Variants in TMEM132B observed in about 807,000 individuals in gnomAD.
TMEM132B encodes the protein transmembrane protein 132B.
Under a neutral mutation model 90.8 loss-of-function variants are expected in TMEM132B, and 18 were observed. The ratio of observed to expected loss-of-function variants is 0.20; its 90% confidence interval spans 0.14 to 0.29. TMEM132B has a LOEUF of 0.29. TMEM132B is among the 10% of genes least tolerant of loss of function. TMEM132B has a pLI of 1.00. For missense variants in TMEM132B, 1,096 were observed against 1,326.8 expected (o/e 0.83, Z 2.70); for synonymous variants, 504 against 523.3 (o/e 0.96, Z 0.50).
intron 1 of TMEM132B, among the ~76,000 whole-genome samples, chr12:125,297,220 G>A (rs940441414): frequency 1.3e-5 from 2 of 152,186 alleles, no homozygotes; most frequent in African/African-American, 2.4e-5. Context: ...GGAGGAGGGA[G>A]CCTTTTTCCC....
chr12:125,432,528 T>TATATATATATAGAGAGAGAGAGAG lies in TMEM132B; in HGVS notation c.1106+16852_1106+16853insTATATATATAGAGAGAGAGAGAGA, dbSNP rs1458075923. Among the ~76,000 whole-genome samples the TATATATATATAGAGAGAGAGAGAG allele has an allele frequency of 5.1e-5, 2 of 39,128 alleles. 1 individual carries two copies. The highest frequency in any genetic ancestry group is 2.5e-4 in the African/African-American group (2 of 8,056). 25.7% of individuals were successfully genotyped at this position (39,128 alleles called of 152,430 possible). The stretch of plus-strand genomic sequence containing the variant: ...GTGTGTGTGTATATATATATATATA[T>TATATATATATAGAGAGAGAGAGAG]AGAGAGAGAGAGAGAGAGAGAGAGA... On this transcript the variant is annotated intron_variant, in intron 3 of 8. Coordinates refer to ENST00000682704, the MANE Select transcript of TMEM132B (RefSeq NM_001366854.1).
At chr12:125,399,640 T>G (rs1879259668) in intron 2 of TMEM132B, among the ~76,000 whole-genome samples, 1 of 152,102 alleles carries the variant, frequency 6.6e-6, no homozygotes, top group Non-Finnish European at 1.5e-5. Context: ...AGAGCGTAAG[T>G]TTCTCTTGTT....
chr12:125,302,640 G>T (rs1875860665), intron 1 of TMEM132B, among the ~76,000 whole-genome samples: 1 of 152,104 alleles, frequency 6.6e-6, no homozygotes, highest in Non-Finnish European at 1.5e-5. Context: ...AGGGCAAAAG[G>T]TGTTTTCCCC....
In TMEM132B at chr12:125,277,572, T is replaced by C. The variant is rs1461860620; in HGVS notation, c.68-71880T>C. On this transcript the variant is annotated intron_variant, in intron 1 of 8. Coordinates refer to ENST00000682704, the MANE Select transcript of TMEM132B (RefSeq NM_001366854.1). This position sits in a 1 kb window ranked among gnomAD's most constrained non-coding sequence, Gnocchi z 4.3. ...AGGCCATGTGAAGATGCAGCAGAGA[T>C]TGGAGTGACGTGCCTACATGCCAGG... Among the ~76,000 whole-genome samples, 3 of 148,368 alleles carry C rather than the reference T, an allele frequency of 2.0e-5. No homozygotes were observed. The East Asian group carries it at 5.9e-4, about 29-fold the overall frequency.
chr12:125,250,689 C>T lies in TMEM132B; in HGVS notation c.67+63823C>T, dbSNP rs142279066. Among the ~76,000 whole-genome samples, 698 of 152,204 alleles carry T rather than the reference C, an allele frequency of 4.6e-3. 3 individuals are homozygous for T. The highest frequency in any genetic ancestry group is 7.6e-3 in the Non-Finnish European group (515 of 68,002). ...CTTGGCTCTCTCTGGGTTCCCCCTTCCCTGAAGCAGTGAGCCCAGAAGACC... is the reference window on the plus strand; with the variant it reads ...CTTGGCTCTCTCTGGGTTCCCCCTTTCCTGAAGCAGTGAGCCCAGAAGACC... On this transcript the variant is annotated intron_variant, in intron 1 of 8. Coordinates refer to ENST00000682704, the MANE Select transcript of TMEM132B (RefSeq NM_001366854.1).
At chr12:125,653,537 C>G (rs1009115207) in intron 8 of TMEM132B, 28 bp from the exon 9 acceptor site, 8 of 1,582,402 alleles carry the variant, frequency 5.1e-6, no homozygotes, top group Non-Finnish European at 6.0e-6. Context: ...CTGATTATAA[C>G]ATAATGCTTT....
chr12:125,234,740 C>T (rs755360392), intron 1 of TMEM132B, among the ~76,000 whole-genome samples: 41 of 152,170 alleles, frequency 2.7e-4, no homozygotes, highest in Non-Finnish European at 5.6e-4. Flanking sequence ...TGTGTGTCAC[C>T]AGACACCAGG....
intron 3 of TMEM132B, among the ~76,000 whole-genome samples, chr12:125,443,027 T>C (rs563241183): frequency 1.3e-5 from 2 of 152,312 alleles, no homozygotes; most frequent in South Asian, 4.1e-4. Flanking sequence ...TCATGTAGAA[T>C]TATGATTCCC....
chr12:125,314,722 G>A (rs1876217372), intron 1 of TMEM132B, among the ~76,000 whole-genome samples: 1 of 152,214 alleles, frequency 6.6e-6, no homozygotes, highest in African/African-American at 2.4e-5. Context: ...TTTCAGCTAA[G>A]TCTGAGGGGT....
chr12:125,530,650 C>T (rs1883621116), intron 4 of TMEM132B, among the ~76,000 whole-genome samples: 1 of 152,240 alleles, frequency 6.6e-6, no homozygotes, highest in African/African-American at 2.4e-5. Context: ...GGAGTCTTCC[C>T]TGCCTCTTCC....
In TMEM132B at chr12:125,565,197, A is replaced by AC. The variant is rs1884630802; in HGVS notation, c.1294-18649dup. Among the ~76,000 whole-genome samples the AC allele has an allele frequency of 4.6e-5, 7 of 152,254 alleles. No individual in the cohort carries two copies. The South Asian group carries it at 1.5e-3, about 32-fold the overall frequency. On this transcript the variant is annotated intron_variant, in intron 4 of 8. Transcript: ENST00000682704. Reference sequence around the variant, plus strand: ...GAGCAGGATTTGCACCTGAGGCTTTACCCCCACCCCAAGTCCAGCTGAAAC... The same window carrying AC: ...GAGCAGGATTTGCACCTGAGGCTTTACCCCCCACCCCAAGTCCAGCTGAAAC...
chr12:125,470,394 ATTGCGG>A (rs925279080), intron 3 of TMEM132B, among the ~76,000 whole-genome samples: 1 of 152,144 alleles, frequency 6.6e-6, no homozygotes, highest in Non-Finnish European at 1.5e-5. Flanking sequence ...TCAGCTCTGC[ATTGCGG>A]TTGGAGTCTC....
At chr12:125,259,639 C>T (rs559382479) in intron 1 of TMEM132B, among the ~76,000 whole-genome samples, 30 of 152,186 alleles carry the variant, frequency 2.0e-4, no homozygotes, top group African/African-American at 6.3e-4. Flanking sequence ...AATTAATCCC[C>T]GGGGACTCGT....
At chr12:125,405,203 C>G (rs1463762452) in intron 2 of TMEM132B, among the ~76,000 whole-genome samples, 2 of 152,240 alleles carry the variant, frequency 1.3e-5, no homozygotes, top group African/African-American at 4.8e-5. Context: ...CCTTCTCATG[C>G]TTTTCCCCTA....
intron 2 of TMEM132B, among the ~76,000 whole-genome samples, chr12:125,360,786 G>A (rs1484415610): frequency 6.6e-6 from 1 of 151,894 alleles, no homozygotes; most frequent in African/African-American, 2.4e-5. Flanking sequence ...GAGACGGTGT[G>A]TGGGTAGGGC....
intron 3 of TMEM132B, among the ~76,000 whole-genome samples, chr12:125,468,534 C>T (rs1471251431): frequency 6.6e-6 from 1 of 152,174 alleles, no homozygotes; most frequent in Non-Finnish European, 1.5e-5. Flanking sequence ...CTTCTTTCCC[C>T]ATAGTGTATG....
intron 6 of TMEM132B, among the ~76,000 whole-genome samples, chr12:125,648,908 G>A (rs1307548394): frequency 6.6e-6 from 1 of 152,164 alleles, no homozygotes; most frequent in Non-Finnish European, 1.5e-5. Context: ...CTGCCTATGT[G>A]AGCTTGTCTT....
Position 125,517,326 on chromosome 12 carries a change from GATTTTTTTTTTT to G in TMEM132B, c.1107-2112_1107-2101del, listed in dbSNP as rs1883186905. Among the ~76,000 whole-genome samples the G allele has an allele frequency of 4.5e-5, 4 of 88,024 alleles. 1 individual carries two copies. Among genetic ancestry groups the G allele is most frequent in the South Asian group, 4.0e-4 (1 of 2,526 alleles). 57.7% of individuals were successfully genotyped at this position (88,024 alleles called of 152,430 possible). On this transcript the variant is annotated intron_variant, in intron 3 of 8. Transcript: ENST00000682704. ...CAGGCGCCCGCCACCATGCCCTGCT[GATTTTTTTTTTT>G]TTTTTTTTTTTTTTTTTTTTTTTTT...
intron 4 of TMEM132B, among the ~76,000 whole-genome samples, chr12:125,545,593 G>A (rs1006496): frequency 0.41 from 62,369 of 152,016 alleles, 13,086 homozygotes; most frequent in South Asian, 0.52. Context: ...CATCTCCCTG[G>A]CCACTGTGTG....
Sources: gnomAD v4.1 joint callset for allele counts (sites outside exome capture counted in the v4.1 genomes callset) on GRCh38, gnomAD v4.1.1 for gene constraint, Gnocchi (gnomAD v3.1) non-coding constraint, MANE v1.5 for transcripts, NCBI Gene and HGNC (gene_info 2026-07-23, HGNC 2026-07-21) for gene names.